TRIM35: variants seen among roughly 807,000 people sequenced by gnomAD.
TRIM35 encodes the protein E3 ubiquitin-protein ligase TRIM35.
TRIM35 carries 37 observed loss-of-function variants against 49.1 expected under a neutral mutation model. That is an observed-to-expected ratio of 0.75 (90% CI 0.58 to 0.99). TRIM35 has a LOEUF of 0.99. Ranked by LOEUF, TRIM35 falls within the 50% of genes least tolerant of loss-of-function variation. The pLI is 0.00. For synonymous variants in TRIM35, 302 were observed against 289.3 expected, an observed-to-expected ratio of 1.04 and a Z score of -0.45; for missense variants, 648 against 702.7, an observed-to-expected ratio of 0.92 and a Z score of 0.88.
intron 3 of TRIM35, among the ~76,000 whole-genome samples, chr8:27,292,582 T>A (rs1322043943): frequency 6.6e-6 from 1 of 152,234 alleles, no homozygotes; most frequent in East Asian, 1.9e-4. Context: ...ATTTGAAATG[T>A]CTACAACAGG....
Position 27,306,268 on chromosome 8 carries a change from G to A in TRIM35, c.435+4533C>T, listed in dbSNP as rs568558085. On this transcript the variant is annotated intron_variant, in intron 1 of 5. Coordinates refer to ENST00000305364, the MANE Select transcript of TRIM35 (RefSeq NM_171982.5). ...TACTCCAAGCCACGACATAAACAGC[G>A]CTGACACATGCTTTCAGTTCACAAC... Among the ~76,000 whole-genome samples the A allele has an allele frequency of 1.3e-4, 20 of 151,816 alleles. 1 individual carries two copies. In the South Asian group the frequency reaches 3.8e-3, roughly 28 times the overall value.
chr8:27,307,346 C>CCA (rs199799587), intron 1 of TRIM35, among the ~76,000 whole-genome samples: 5 of 151,794 alleles, frequency 3.3e-5, no homozygotes, highest in Admixed American at 6.6e-5. Flanking sequence ...CACACCCCCG[C>CCA]CACACACACA....
At chr8:27,299,865 G>A (rs532493844) in intron 1 of TRIM35, among the ~76,000 whole-genome samples, 1 of 152,284 alleles carries the variant, frequency 6.6e-6, no homozygotes, top group East Asian at 1.9e-4. Context: ...ATTCAGGCAG[G>A]CAGCCTCTAA....
At chr8:27,293,487 T>C (rs2130273720) in intron 3 of TRIM35, among the ~76,000 whole-genome samples, 1 of 152,186 alleles carries the variant, frequency 6.6e-6, no homozygotes, top group African/African-American at 2.4e-5. Flanking sequence ...GAATTCATCT[T>C]ATTAAAAGGT....
intron 1 of TRIM35, among the ~76,000 whole-genome samples, chr8:27,308,386 G>C (rs1283749938): frequency 6.6e-6 from 1 of 152,142 alleles, no homozygotes; most frequent in Non-Finnish European, 1.5e-5. Context: ...ATAGATAGTT[G>C]GCAAAGTAAT....
intron 1 of TRIM35, among the ~76,000 whole-genome samples, chr8:27,300,769 C>G (rs1275036475): frequency 2.0e-5 from 3 of 152,106 alleles, no homozygotes; most frequent in Non-Finnish European, 4.4e-5. Context: ...TGCATGAGTG[C>G]CCCCACAAAA....
intron 1 of TRIM35, among the ~76,000 whole-genome samples, chr8:27,300,725 A>G (rs1802667260): frequency 6.6e-6 from 1 of 152,226 alleles, no homozygotes; most frequent in Non-Finnish European, 1.5e-5. Flanking sequence ...TAAGATTTTT[A>G]AACTTTGTTT....
chr8:27,294,508 A>G (rs1802526750), intron 2 of TRIM35, among the ~76,000 whole-genome samples, 198 bp from the exon 3 acceptor site: 1 of 152,238 alleles, frequency 6.6e-6, no homozygotes, highest in Admixed American at 6.5e-5. Context: ...CCAACAACCT[A>G]ATATTAGATT....
intron 4 of TRIM35, among the ~76,000 whole-genome samples, chr8:27,289,875 A>C (rs1802417009): frequency 6.6e-6 from 1 of 152,162 alleles, no homozygotes; most frequent in Non-Finnish European, 1.5e-5. Context: ...GAGAAATGCA[A>C]GCCACATGCA....
At chr8:27,290,238 T>C in intron 3 of TRIM35, 60 bp from the exon 4 acceptor site, 3 of 1,559,432 alleles carry the variant, frequency 1.9e-6, no homozygotes, top group Non-Finnish European at 2.6e-6. Flanking sequence ...AATGTATATG[T>C]TTCTGACCTC....
intron 1 of TRIM35, among the ~76,000 whole-genome samples, chr8:27,299,274 GTATCTTAGGCC>G (rs1399379365): frequency 1.3e-5 from 2 of 152,128 alleles, no homozygotes; most frequent in Non-Finnish European, 2.9e-5. Flanking sequence ...CCTGCCTCTT[GTATCTTAGGCC>G]TATCATTTTT....
At chr8:27,289,032 A>C in intron 5 of TRIM35, 130 bp downstream of exon 5, 39 of 652,876 alleles carry the variant, frequency 6.0e-5, no homozygotes, top group East Asian at 1.2e-4. Context: ...TGGCAGAGGG[A>C]TCAGCTGAGA....
At chr8:27,300,198 T>C (rs1162634675) in intron 1 of TRIM35, among the ~76,000 whole-genome samples, 1 of 152,188 alleles carries the variant, frequency 6.6e-6, no homozygotes, top group South Asian at 2.1e-4. Context: ...CAACTACAAA[T>C]GTGAGTGTAA....
In TRIM35 at chr8:27,310,974, C is replaced by T; in HGVS notation, c.262G>A (p.Glu88Lys). 1 of 1,612,202 alleles carries T rather than the reference C, an allele frequency of 6.2e-7. No individual in the cohort carries two copies. The highest frequency in any genetic ancestry group is 8.5e-7 in the Non-Finnish European group (1 of 1,179,514). Residue 88 changes from glutamate (E) to lysine (K), a missense_variant, in exon 1 of 6, where the codon GAG becomes AAG. Transcript: ENST00000305364. The stretch of plus-strand genomic sequence containing the variant: ...CGGTAGCTGGTCCAGCGCGCGCCCT[C>T]GGCCTCCTCGCGCAGCAGCTTCTCC... The part of the protein sequence containing the change: ...LVEKLLREEA[E>K]GARWTSYRFS...
At chr8:27,306,093 G>A (rs914403042) in intron 1 of TRIM35, among the ~76,000 whole-genome samples, 3 of 151,674 alleles carry the variant, frequency 2.0e-5, no homozygotes, top group African/African-American at 4.8e-5. Context: ...TTACAGGCAT[G>A]AAACACACTG....
At chr8:27,301,952 G>A (rs771669427) in intron 1 of TRIM35, among the ~76,000 whole-genome samples, 21 of 152,324 alleles carry the variant, frequency 1.4e-4, no homozygotes, top group Non-Finnish European at 2.9e-4. Context: ...CCACTGGTCT[G>A]CAGAGCCACC....
chr8:27,288,109 G>T lies in TRIM35; in HGVS notation c.923C>A (p.Pro308His), dbSNP rs1317271600. The change falls in exon 6 of 6, where the codon CCC becomes CAC. Residue 308 changes from proline (P) to histidine (H), a missense_variant. Coordinates refer to ENST00000305364, the MANE Select transcript of TRIM35 (RefSeq NM_171982.5). Reference sequence around the variant, plus strand: ...GGAGAGCCAGCCAGCTGCGGTGTTGGGGTCAAAGCTGAAGGGTACTGCAAG... The same window carrying T: ...GGAGAGCCAGCCAGCTGCGGTGTTGTGGTCAAAGCTGAAGGGTACTGCAAG... Reference protein sequence around the residue: ...SVESVPFSFDPNTAAGWLSVS... With the variant: ...SVESVPFSFDHNTAAGWLSVS... 3 of 1,607,198 alleles carry T rather than the reference G, an allele frequency of 1.9e-6. No individual in the cohort carries two copies. Among genetic ancestry groups the T allele is most frequent in the African/African-American group, 1.3e-5 (1 of 74,898 alleles).
chr8:27,296,469 G>A (rs1031003360), intron 2 of TRIM35, among the ~76,000 whole-genome samples: 1 of 152,164 alleles, frequency 6.6e-6, no homozygotes, highest in Admixed American at 6.5e-5. Flanking sequence ...TTTCCTCATC[G>A]ACCTGATAAC....
chr8:27,302,345 T>C (rs946511823), intron 1 of TRIM35, among the ~76,000 whole-genome samples: 1 of 152,208 alleles, frequency 6.6e-6, no homozygotes, highest in East Asian at 1.9e-4. Flanking sequence ...TATCAGAGTT[T>C]TGCGTATCTT....
Sources: allele counts gnomAD v4.1 joint callset (sites outside exome capture counted in the v4.1 genomes callset), GRCh38; gene constraint gnomAD v4.1.1; transcripts MANE v1.5; gene names NCBI Gene and HGNC (gene_info 2026-07-23, HGNC 2026-07-21).